The following FHIT variants were observed in gnomAD, a reference collection of about 807,000 sequenced individuals.
FHIT encodes fragile histidine triad diadenosine triphosphatase.
Under a neutral mutation model 17.9 loss-of-function variants are expected in FHIT, and 19 were observed. The observed-to-expected ratio is 1.06, with a 90% CI of 0.74 to 1.56. The LOEUF (loss-of-function observed/expected upper bound fraction) is 1.56. FHIT is among the 40% of genes most tolerant of loss of function. The pLI, the probability that FHIT is intolerant of heterozygous loss-of-function variation, is 0.00. For missense variants in FHIT, 248 were observed against 189.2 expected (o/e 1.31, Z -1.82); for synonymous variants, 81 against 69.7 (o/e 1.16, Z -0.81).
chr3:60,380,879 G>A (rs529560327), intron 5 of FHIT, among the ~76,000 whole-genome samples: 1 of 152,230 alleles, frequency 6.6e-6, no homozygotes, highest in Non-Finnish European at 1.5e-5. Context: ...GGCTTTACAA[G>A]CATTTATAAA....
At chr3:61,154,737 A>G (rs2037487112) in intron 2 of FHIT, among the ~76,000 whole-genome samples, 1 of 152,246 alleles carries the variant, frequency 6.6e-6, no homozygotes, top group Admixed American at 6.5e-5. Context: ...GCTGGGAATC[A>G]AAGTTTATTG....
intron 5 of FHIT, among the ~76,000 whole-genome samples, chr3:60,401,610 C>T (rs1267976795): frequency 6.6e-6 from 1 of 152,084 alleles, no homozygotes; most frequent in African/African-American, 2.4e-5. Context: ...CACTGTTAGT[C>T]CCCGGTGCTT....
chr3:59,824,913 T>C, intron 8 of FHIT, among the ~76,000 whole-genome samples: 1 of 152,210 alleles, frequency 6.6e-6, no homozygotes, highest in South Asian at 2.1e-4. Context: ...CTTTTGGTTA[T>C]CTTTCTAAGC....
chr3:60,579,897 G>T (rs1394699661), intron 4 of FHIT, among the ~76,000 whole-genome samples: 1 of 152,110 alleles, frequency 6.6e-6, no homozygotes, highest in East Asian at 1.9e-4. Flanking sequence ...TACTCAGTTG[G>T]ATCTGGCCAC....
At chr3:59,882,491 G>C (rs563265543) in intron 8 of FHIT, among the ~76,000 whole-genome samples, 4 of 152,098 alleles carry the variant, frequency 2.6e-5, no homozygotes, top group Non-Finnish European at 5.9e-5. Context: ...GTGGTAACTC[G>C]GTAGAGAAAT....
intron 5 of FHIT, among the ~76,000 whole-genome samples, chr3:60,484,805 T>C (rs986038514): frequency 6.6e-6 from 1 of 152,060 alleles, no homozygotes; most frequent in Non-Finnish European, 1.5e-5. Context: ...AATTGACAAA[T>C]GGGATCTAAC....
intron 2 of FHIT, among the ~76,000 whole-genome samples, chr3:61,052,617 G>A (rs994615650): frequency 2.0e-5 from 3 of 152,076 alleles, no homozygotes; most frequent in African/African-American, 7.2e-5. Flanking sequence ...AGTTGTTATT[G>A]GAGTCAACAG....
chr3:60,251,384 T>A (rs1219982658), intron 5 of FHIT, among the ~76,000 whole-genome samples: 3 of 152,158 alleles, frequency 2.0e-5, no homozygotes, highest in Non-Finnish European at 4.4e-5. Context: ...GATGGCTTTC[T>A]ATGCAAGCAC....
At chr3:59,786,986 C>T (rs1358594871) in intron 8 of FHIT, among the ~76,000 whole-genome samples, 1 of 151,944 alleles carries the variant, frequency 6.6e-6, no homozygotes, top group Admixed American at 6.5e-5. Context: ...GGATTCAGTG[C>T]ACCCCTACCC....
intron 5 of FHIT, among the ~76,000 whole-genome samples, chr3:60,413,668 G>GTGTA (rs970192755): frequency 2.0e-5 from 3 of 149,926 alleles, no homozygotes; most frequent in Admixed American, 2.0e-4. Context: ...GTGTGTGTGT[G>GTGTA]TGTGTATGTG....
intron 8 of FHIT, among the ~76,000 whole-genome samples, chr3:59,859,419 A>G (rs1231130604): frequency 6.6e-6 from 1 of 152,228 alleles, no homozygotes; most frequent in Non-Finnish European, 1.5e-5. Flanking sequence ...ACAGGGAAAG[A>G]ATAAAAATCC....
intron 8 of FHIT, among the ~76,000 whole-genome samples, chr3:59,920,121 TA>T (rs1705331256): frequency 6.6e-6 from 1 of 152,098 alleles, no homozygotes; most frequent in Non-Finnish European, 1.5e-5. Context: ...TAAAGAAAAA[TA>T]GTAATAATAA....
intron 4 of FHIT, among the ~76,000 whole-genome samples, chr3:60,809,732 A>AG (rs1160080995): frequency 6.6e-6 from 1 of 152,138 alleles, no homozygotes; most frequent in Non-Finnish European, 1.5e-5. Flanking sequence ...GAAACCTTAA[A>AG]GGTTGTATAA....
intron 5 of FHIT, among the ~76,000 whole-genome samples, chr3:60,262,522 G>T (rs954078685): frequency 6.6e-6 from 1 of 151,956 alleles, no homozygotes; most frequent in African/African-American, 2.4e-5. Context: ...ACTTAGATAT[G>T]ACTATTCTTA....
chr3:59,787,080 T>C (rs1378846748), intron 8 of FHIT, among the ~76,000 whole-genome samples: 2 of 152,232 alleles, frequency 1.3e-5, no homozygotes, highest in East Asian at 3.8e-4. Flanking sequence ...GTGTTTACTA[T>C]GTGTTAGGTA....
At chr3:60,909,333 C>T (rs775925109) in intron 3 of FHIT, among the ~76,000 whole-genome samples, 11 of 145,740 alleles carry the variant, frequency 7.5e-5, no homozygotes, top group Non-Finnish European at 1.2e-4. Context: ...CATGCCACTG[C>T]ACTCCAGTCT....
At chr3:60,441,095 T>A (rs1360645069) in intron 5 of FHIT, among the ~76,000 whole-genome samples, 1 of 151,888 alleles carries the variant, frequency 6.6e-6, no homozygotes, top group African/African-American at 2.4e-5. Context: ...CAAAGTCCCA[T>A]AAGGTAGAAC....
chr3:61,193,047 A>T (rs2107215928), intron 2 of FHIT, among the ~76,000 whole-genome samples: 1 of 152,350 alleles, frequency 6.6e-6, no homozygotes, highest in South Asian at 2.1e-4. Context: ...GCTAAAAGAC[A>T]ACCACCAATC....
intron 5 of FHIT, among the ~76,000 whole-genome samples, chr3:60,378,636 A>T (rs1700675009): frequency 6.6e-6 from 1 of 152,262 alleles, no homozygotes; most frequent in Admixed American, 6.5e-5. Context: ...ACACAGATTT[A>T]ACATGTCAAA....
Sources: allele counts gnomAD v4.1 joint callset (sites outside exome capture counted in the v4.1 genomes callset), GRCh38; gene constraint gnomAD v4.1.1; transcripts MANE v1.5; gene names NCBI Gene and HGNC (gene_info 2026-07-23, HGNC 2026-07-21).